Variants in PHF14 observed in about 807,000 individuals in gnomAD.
PHF14 encodes the protein PHD finger protein 14.
A neutral mutation model predicts 117.9 loss-of-function variants in PHF14; 55 were observed. The ratio of observed to expected loss-of-function variants is 0.47; its 90% CI spans 0.38 to 0.58. The LOEUF is 0.58. Ranked by LOEUF, PHF14 falls within the 20% of genes least tolerant of loss-of-function variation. PHF14 has a pLI of 0.00. For synonymous variants in PHF14, 409 were observed against 368.6 expected (o/e 1.11, Z -1.26); for missense variants, 978 against 1,122.2 (o/e 0.87, Z 1.84).
intron 17 of PHF14, among the ~76,000 whole-genome samples, chr7:11,122,703 C>A (rs11560245): frequency 1.3e-5 from 2 of 151,702 alleles, no homozygotes; most frequent in Admixed American, 6.6e-5. Context: ...CACGTTTCTC[C>A]TTGGCAAAAT....
chr7:11,058,545 T>G (rs936203234), intron 14 of PHF14, among the ~76,000 whole-genome samples: 2 of 152,220 alleles, frequency 1.3e-5, no homozygotes, highest in Non-Finnish European at 2.9e-5. Context: ...GTGCTGTAAT[T>G]ACTTTGGTAA....
chr7:11,008,709 A>C (rs1434559424), intron 4 of PHF14, among the ~76,000 whole-genome samples: 1 of 152,088 alleles, frequency 6.6e-6, no homozygotes, highest in African/African-American at 2.4e-5. Flanking sequence ...TGTTGTAGGT[A>C]CTGTCTTTCT....
chr7:11,075,279 A>T (rs1201739907), intron 16 of PHF14, among the ~76,000 whole-genome samples: 2 of 151,984 alleles, frequency 1.3e-5, no homozygotes, highest in Non-Finnish European at 2.9e-5. Flanking sequence ...TCTTGGTACC[A>T]ATTTTCTCTG....
In PHF14 at chr7:11,038,855, G is replaced by A; in HGVS notation, c.2076G>A (p.Gln692=). The A allele has an allele frequency of 6.7e-7, 1 of 1,497,854 alleles. No homozygotes were observed. Among genetic ancestry groups the A allele is most frequent in the Non-Finnish European group, 9.1e-7 (1 of 1,097,314 alleles). The allele number at this position is 1,497,854 out of a possible 1,614,324, so 92.8% of individuals were successfully genotyped here. A position where few individuals can be genotyped will look rare whatever the true frequency, so the allele number is the denominator to read the frequency against. ...CTTTACTAGGCAGAATCACAGGGCA[G>A]GTTAGTTTCTTTCCAATTGCTGTCT... ...IWALLGRITG[Q]KLNIPAILRA... Residue 692 remains glutamine, a splice_region_variant and synonymous_variant, in exon 11 of 18, where the codon CAG becomes CAA. Coordinates refer to ENST00000634607, the MANE Select transcript of PHF14 (RefSeq NM_001007157.2).
chr7:11,011,292 G>C (rs1488260418), intron 4 of PHF14, among the ~76,000 whole-genome samples: 1 of 152,002 alleles, frequency 6.6e-6, no homozygotes, highest in Non-Finnish European at 1.5e-5. Context: ...ATTTATTTTA[G>C]TTTGAATTTC....
At chr7:11,036,839 C>T in intron 9 of PHF14, 146 bp from the exon 10 acceptor site, 1 of 950,802 alleles carries the variant, frequency 1.1e-6, no homozygotes, top group East Asian at 2.6e-5. Context: ...TGGGTTTTTA[C>T]AAAATGCTAG....
intron 16 of PHF14, among the ~76,000 whole-genome samples, chr7:11,090,690 C>G (rs1340081933): frequency 6.6e-6 from 1 of 152,100 alleles, no homozygotes. Flanking sequence ...TTTCTTCTCA[C>G]CAGATTTACT....
intron 17 of PHF14, among the ~76,000 whole-genome samples, chr7:11,154,220 T>C (rs1011794025): frequency 2.0e-5 from 3 of 152,108 alleles, no homozygotes; most frequent in Non-Finnish European, 4.4e-5. Flanking sequence ...ATACTGATAT[T>C]TACCATTTAT....
intron 16 of PHF14, chr7:11,105,495 C>G (rs1787226665): frequency 1.0e-6 from 1 of 979,528 alleles, no homozygotes; most frequent in Admixed American, 6.2e-5. Context: ...CAGAAGGACT[C>G]TCCAGCAGAG....
At chr7:11,114,827 G>A (rs1445494209) in intron 17 of PHF14, among the ~76,000 whole-genome samples, 1 of 151,894 alleles carries the variant, frequency 6.6e-6, no homozygotes, top group Non-Finnish European at 1.5e-5. Context: ...ATGCTTCAAA[G>A]CCATTGATTA....
At chr7:11,165,900 A>C (rs972465768) in intron 17 of PHF14, among the ~76,000 whole-genome samples, 6 of 152,202 alleles carry the variant, frequency 3.9e-5, no homozygotes, top group African/African-American at 1.4e-4. Context: ...AGAATAACTC[A>C]GTCTCATATT....
rs61698202 is a variant in PHF14 at position 11,149,810 on chromosome 7, AT to A, written c.2773-19597del. On this transcript the variant is annotated intron_variant, in intron 17 of 17. Transcript: ENST00000634607. ...CTTGTTTATAATAGTGTTTCAGTTG[AT>A]TTTTTTTTATATTTCTAAGTATATA... Among the ~76,000 whole-genome samples the A allele has an allele frequency of 6.3e-3, 950 of 151,356 alleles. 7 individuals carry two copies. The highest frequency in any genetic ancestry group is 0.022 in the African/African-American group (907 of 41,296).
At position 11,169,603 on chromosome 7, in the gene PHF14, G is replaced by C. The variant is rs1789306031; in HGVS notation, c.*113G>C. Reference sequence around the variant, plus strand: ...TAATTTGCAAAATGTTCTCAATAAAGTCATTCAAAATGAAATAGGAGCTTG... The same window carrying C: ...TAATTTGCAAAATGTTCTCAATAAACTCATTCAAAATGAAATAGGAGCTTG... On this transcript the variant is annotated 3_prime_UTR_variant, in exon 18 of 18. Coordinates refer to ENST00000634607, the MANE Select transcript of PHF14 (RefSeq NM_001007157.2). 8.3e-6 allele frequency: 4 copies of C among 482,122 alleles called. No homozygotes were observed. The highest frequency in any genetic ancestry group is 9.0e-5 in the South Asian group (2 of 22,310). The allele number at this position is 482,122 out of a possible 1,614,324, so 29.9% of individuals were successfully genotyped here. A position where few individuals can be genotyped will look rare whatever the true frequency, so the allele number is the denominator to read the frequency against.
intron 17 of PHF14, among the ~76,000 whole-genome samples, chr7:11,112,828 A>G (rs966892575): frequency 3.9e-5 from 6 of 152,102 alleles, no homozygotes; most frequent in African/African-American, 4.8e-5. Context: ...ATATTTGCAT[A>G]TATTTTATTT....
At chr7:11,145,094 G>A (rs578229795) in intron 17 of PHF14, among the ~76,000 whole-genome samples, 5 of 151,824 alleles carry the variant, frequency 3.3e-5, no homozygotes, top group South Asian at 2.1e-4. Flanking sequence ...GGTTAAGATG[G>A]TAATTTTTAT....
rs768584783 is a variant in PHF14 at position 11,040,653 on chromosome 7, C to T, written c.2077-19C>T. The T allele has an allele frequency of 8.2e-6, 11 of 1,343,046 alleles. No homozygotes were observed. The highest frequency in any genetic ancestry group is 5.5e-5 in the South Asian group (4 of 72,628). 83.2% of individuals were successfully genotyped at this position (1,343,046 alleles called of 1,614,324 possible). On this transcript the variant is annotated intron_variant, in intron 11 of 17. Transcript: ENST00000634607. ...TTCTTTCTTAAAACAATATATACTA[C>T]ATTTGTTCAAATCAATAGAAGTTGA...
intron 7 of PHF14, among the ~76,000 whole-genome samples, chr7:11,030,275 G>C (rs1206169775): frequency 6.6e-6 from 1 of 152,082 alleles, no homozygotes; most frequent in Non-Finnish European, 1.5e-5. Context: ...TAGAGGACCA[G>C]ATAAATACTA....
In PHF14 at chr7:11,123,774, A is replaced by G. The variant is rs547526693; in HGVS notation, c.2772+12307A>G. On this transcript the variant is annotated intron_variant, in intron 17 of 17. Transcript: ENST00000634607. ...CAGCCTGGGTGAATCGCTTGAACCC[A>G]GGAAGCGGAGGCTGGAATGAGCAGA... Among the ~76,000 whole-genome samples, 19 of 152,002 alleles carry G rather than the reference A, an allele frequency of 1.2e-4. No individual in the cohort carries two copies. The South Asian group carries it at 3.5e-3, about 28-fold the overall frequency.
At chr7:10,996,322 G>A (rs1347546225) in intron 4 of PHF14, among the ~76,000 whole-genome samples, 2 of 152,134 alleles carry the variant, frequency 1.3e-5, no homozygotes, top group African/African-American at 4.8e-5. Flanking sequence ...AAGATGTTAG[G>A]ACTAGAAATT....
Sources: allele counts gnomAD v4.1 joint callset (sites outside exome capture counted in the v4.1 genomes callset), GRCh38; gene constraint gnomAD v4.1.1; transcripts MANE v1.5; gene names NCBI Gene and HGNC (gene_info 2026-07-23, HGNC 2026-07-21).